Variants in PTPRQ observed in about 807,000 individuals in gnomAD.
The protein encoded by PTPRQ is phosphatidylinositol phosphatase PTPRQ.
In PTPRQ, 199 loss-of-function variants were observed where a neutral mutation model predicts 246.0. The ratio of observed to expected loss-of-function variants is 0.81; its 90% CI spans 0.72 to 0.91. The LOEUF (loss-of-function observed/expected upper bound fraction) is 0.91, where lower values mean the gene tolerates loss of function less well. Ranked by LOEUF, PTPRQ falls within the 40% of genes least tolerant of loss-of-function variation. The pLI is 0.00. For missense variants in PTPRQ, 2,624 were observed against 2,528.4 expected (o/e 1.04, Z -0.81); for synonymous variants, 869 against 853.2 (o/e 1.02, Z -0.32).
chr12:80,502,912 T>C (rs1005065961), intron 14 of PTPRQ, among the ~76,000 whole-genome samples: 1 of 151,794 alleles, frequency 6.6e-6, no homozygotes, highest in Non-Finnish European at 1.5e-5. Flanking sequence ...ATCATTTGCA[T>C]GGAAGTTGGC....
intron 6 of PTPRQ, chr12:80,465,409 C>T (rs1387999510): frequency 3.3e-5 from 5 of 151,918 alleles, no homozygotes; most frequent in African/African-American, 4.8e-5. Context: ...GATTCACAGC[C>T]GAATTCTACC....
At chr12:80,658,702 T>A (rs929161581) in intron 39 of PTPRQ, among the ~76,000 whole-genome samples, 3 of 152,078 alleles carry the variant, frequency 2.0e-5, no homozygotes, top group African/African-American at 7.2e-5. Context: ...GTTGGGTTTT[T>A]TTTTAACCAA....
chr12:80,637,899 C>G (rs1255998849), intron 35 of PTPRQ, among the ~76,000 whole-genome samples: 1 of 152,098 alleles, frequency 6.6e-6, no homozygotes, highest in East Asian at 1.9e-4. Context: ...ATTTAGCTCC[C>G]TAAATTGTTG....
At chr12:80,481,197 C>A (rs1728034918) in intron 8 of PTPRQ, among the ~76,000 whole-genome samples, 1 of 152,150 alleles carries the variant, frequency 6.6e-6, no homozygotes, top group Admixed American at 6.5e-5. Context: ...GGCTTCATCC[C>A]TGGGATGCAA....
intron 33 of PTPRQ, among the ~76,000 whole-genome samples, chr12:80,627,393 A>AGAG (rs200600955): frequency 2.7e-5 from 4 of 149,302 alleles, no homozygotes; most frequent in Non-Finnish European, 5.9e-5. Context: ...AGAAGGAGGA[A>AGAG]GAGGAGGAGG....
intron 17 of PTPRQ, among the ~76,000 whole-genome samples, chr12:80,532,413 G>T (rs751366939): frequency 6.6e-6 from 1 of 151,916 alleles, no homozygotes; most frequent in East Asian, 1.9e-4. Flanking sequence ...TGGAGACAGG[G>T]TTTTGCCATG....
intron 28 of PTPRQ, 59 bp downstream of exon 28, chr12:80,610,684 A>C: frequency 6.6e-7 from 1 of 1,517,720 alleles, no homozygotes; most frequent in African/African-American, 1.4e-5. Context: ...GCTTTCTTAC[A>C]GTTCATCATA....
intron 7 of PTPRQ, 49 bp from the exon 8 acceptor site, chr12:80,472,056 T>G (rs1258487650): frequency 6.5e-7 from 1 of 1,548,664 alleles, no homozygotes; most frequent in South Asian, 1.2e-5. Flanking sequence ...GTGAACATGA[T>G]TGCACGCTTG....
intron 25 of PTPRQ, among the ~76,000 whole-genome samples, chr12:80,551,316 C>T (rs1394429844): frequency 6.6e-6 from 1 of 152,058 alleles, no homozygotes; most frequent in Non-Finnish European, 1.5e-5. Flanking sequence ...CTTCTACATA[C>T]AATCAGGTCT....
At chr12:80,623,928 A>G (rs930208118) in intron 33 of PTPRQ, among the ~76,000 whole-genome samples, 2 of 152,164 alleles carry the variant, frequency 1.3e-5, no homozygotes, top group African/African-American at 2.4e-5. Flanking sequence ...TCTCTGCCCA[A>G]TGATGGCCTC....
At chr12:80,570,239 C>G (rs947652837) in intron 25 of PTPRQ, among the ~76,000 whole-genome samples, 7 of 152,196 alleles carry the variant, frequency 4.6e-5, no homozygotes, top group African/African-American at 1.7e-4. Flanking sequence ...TCCTCTCCAG[C>G]ATCTGTTGTT....
At chr12:80,518,059 A>T (rs971559071) in intron 17 of PTPRQ, among the ~76,000 whole-genome samples, 7 of 152,078 alleles carry the variant, frequency 4.6e-5, no homozygotes, top group African/African-American at 1.4e-4. Context: ...GACCTTCCAA[A>T]CTGTTCTCCG....
intron 26 of PTPRQ, among the ~76,000 whole-genome samples, chr12:80,603,868 AT>A (rs1177512187): frequency 6.6e-6 from 1 of 151,466 alleles, no homozygotes; most frequent in Non-Finnish European, 1.5e-5. Context: ...TATGTTATTT[AT>A]TTCTATTTAT....
intron 39 of PTPRQ, among the ~76,000 whole-genome samples, chr12:80,668,003 T>G (rs916875782): frequency 6.6e-6 from 1 of 151,874 alleles, no homozygotes; most frequent in Non-Finnish European, 1.5e-5. Context: ...AAAATAAACT[T>G]GCTGGATTAC....
intron 20 of PTPRQ, 39 bp downstream of exon 20, chr12:80,539,983 T>TG: frequency 7.2e-7 from 1 of 1,384,338 alleles, no homozygotes; most frequent in Non-Finnish European, 9.5e-7. Flanking sequence ...ATATGATTAA[T>TG]TTAAAACTTA....
intron 33 of PTPRQ, among the ~76,000 whole-genome samples, chr12:80,623,475 C>T (rs1192820237): frequency 6.6e-6 from 1 of 152,082 alleles, no homozygotes; most frequent in East Asian, 1.9e-4. Flanking sequence ...AGTGTTTCTT[C>T]ATTTGATAGG....
intron 17 of PTPRQ, among the ~76,000 whole-genome samples, chr12:80,513,924 C>A (rs1895199852): frequency 6.6e-6 from 1 of 152,138 alleles, no homozygotes; most frequent in Non-Finnish European, 1.5e-5. Context: ...AAGGTACTTC[C>A]ACACCCTGCT....
In PTPRQ at chr12:80,468,826, T is replaced by C; in HGVS notation, c.1027T>C (p.Tyr343His). Reference protein sequence around the residue: ...TGKFSYRVELYGPSGRILDNS... With the variant: ...TGKFSYRVELHGPSGRILDNS... Reference sequence around the variant, plus strand: ...GAAATTTAGTTATAGAGTTGAATTATATGGACCATCAGGTAAGCCTTAATT... The same window carrying C: ...GAAATTTAGTTATAGAGTTGAATTACATGGACCATCAGGTAAGCCTTAATT... Residue 343 changes from tyrosine (Y) to histidine (H), a missense_variant, in exon 7 of 45, where the codon TAT (tyrosine) becomes CAT (histidine). Transcript: ENST00000644991. 6.5e-7 allele frequency: 1 copy of C among 1,548,520 alleles called. No homozygotes were observed. Among genetic ancestry groups the C allele is most frequent in the Non-Finnish European group, 8.7e-7 (1 of 1,145,724 alleles).
At chr12:80,501,902 A>G (rs1894809488) in intron 14 of PTPRQ, among the ~76,000 whole-genome samples, 1 of 151,494 alleles carries the variant, frequency 6.6e-6, no homozygotes, top group African/African-American at 2.4e-5. Context: ...CAGAAAAAAT[A>G]ATGGAGAAAA....
Sources: allele counts gnomAD v4.1 joint callset (sites outside exome capture counted in the v4.1 genomes callset), GRCh38; gene constraint gnomAD v4.1.1; transcripts MANE v1.5; gene names NCBI Gene and HGNC (gene_info 2026-07-23, HGNC 2026-07-21).